Variants in IL1RAP observed in about 807,000 individuals in gnomAD.
IL1RAP encodes interleukin-1 receptor accessory protein.
A neutral mutation model predicts 60.7 loss-of-function variants in IL1RAP; 35 were observed. That is an observed-to-expected ratio of 0.58 (90% CI 0.44 to 0.76). The LOEUF (loss-of-function observed/expected upper bound fraction) is 0.76. IL1RAP is among the 30% of genes least tolerant of loss of function. The pLI is 0.00. For synonymous variants in IL1RAP, 268 were observed against 250.9 expected (o/e 1.07, Z -0.64); for missense variants, 572 against 693.9 (o/e 0.82, Z 1.97).
chr3:190,613,809 G>T (rs1731030882), intron 5 of IL1RAP, among the ~76,000 whole-genome samples: 1 of 151,604 alleles, frequency 6.6e-6, no homozygotes, highest in South Asian at 2.1e-4. Context: ...CTCCAGCCTG[G>T]GCAATGGAGG....
Position 190,537,665 on chromosome 3 carries a change from G to A in IL1RAP, c.-88-18465G>A, listed in dbSNP as rs571027387. ...ATTGAAGACTAATAATGAGCATTTA[G>A]TAATACATATCAAAATGTAGAATAT... is the stretch of plus-strand genomic sequence containing the variant. On this transcript the variant is annotated intron_variant, in intron 1 of 11. Transcript: ENST00000447382. Among the ~76,000 whole-genome samples the A allele has an allele frequency of 2.6e-3, 397 of 152,250 alleles. 1 individual carries two copies. The highest frequency in any genetic ancestry group is 4.3e-3 in the Non-Finnish European group (290 of 68,012).
At chr3:190,635,935 T>C (rs948961876) in intron 9 of IL1RAP, among the ~76,000 whole-genome samples, 5 of 152,198 alleles carry the variant, frequency 3.3e-5, no homozygotes, top group Non-Finnish European at 7.3e-5. Flanking sequence ...CAAGCCTTCC[T>C]TTTCTTATCC....
intron 1 of IL1RAP, among the ~76,000 whole-genome samples, chr3:190,541,701 C>T (rs1167455600): frequency 6.6e-6 from 1 of 152,078 alleles, no homozygotes; most frequent in African/African-American, 2.4e-5. Context: ...CATTGTGCAA[C>T]TATTGCCACC....
intron 3 of IL1RAP, among the ~76,000 whole-genome samples, chr3:190,598,568 G>T (rs1223880971): frequency 6.6e-6 from 1 of 151,466 alleles, no homozygotes; most frequent in Non-Finnish European, 1.5e-5. Context: ...ATTATGCACA[G>T]ATTTTTAAGG....
intron 1 of IL1RAP, among the ~76,000 whole-genome samples, chr3:190,534,470 A>T (rs1390723960): frequency 6.6e-6 from 1 of 152,192 alleles, no homozygotes; most frequent in East Asian, 1.9e-4. Context: ...CTCCTTAGAG[A>T]TCCGATCCAG....
intron 3 of IL1RAP, among the ~76,000 whole-genome samples, chr3:190,575,456 TGG>T (rs1727356434): frequency 6.6e-6 from 1 of 152,218 alleles, no homozygotes; most frequent in Non-Finnish European, 1.5e-5. Flanking sequence ...ATTATATTGA[TGG>T]AAAGTAATGG....
chr3:190,584,821 C>T (rs1475345055), intron 3 of IL1RAP, among the ~76,000 whole-genome samples: 6 of 152,112 alleles, frequency 3.9e-5, no homozygotes, highest in African/African-American at 1.2e-4. Context: ...AAAAATCTTG[C>T]TCCCAGGCCC....
downstream of IL1RAP, among the ~76,000 whole-genome samples, chr3:190,653,452 A>T (rs2108873091): frequency 6.6e-6 from 1 of 152,328 alleles, no homozygotes; most frequent in South Asian, 2.1e-4. Flanking sequence ...TTGAAACCAC[A>T]TTCGTCTTCC....
chr3:190,646,373 A>G (rs1439124603), intron 11 of IL1RAP, among the ~76,000 whole-genome samples: 1 of 151,308 alleles, frequency 6.6e-6, no homozygotes, highest in African/African-American at 2.4e-5. Flanking sequence ...TTTCCCCCTC[A>G]CTTTTCTTTT....
chr3:190,560,574 G>C (rs1009226882), intron 2 of IL1RAP, among the ~76,000 whole-genome samples: 1 of 152,204 alleles, frequency 6.6e-6, no homozygotes, highest in Non-Finnish European at 1.5e-5. Flanking sequence ...TCAGGAAACT[G>C]AGGGACAAAT....
chr3:190,581,365 C>G (rs1727982468), intron 3 of IL1RAP, among the ~76,000 whole-genome samples: 2 of 152,198 alleles, frequency 1.3e-5, no homozygotes, highest in Non-Finnish European at 2.9e-5. Flanking sequence ...AAAAGCAAAT[C>G]AGGAAGCAGA....
chr3:190,600,163 T>A (rs529154706), intron 3 of IL1RAP, among the ~76,000 whole-genome samples: 1 of 152,202 alleles, frequency 6.6e-6, no homozygotes. Context: ...CTCGTTAAAC[T>A]TGAGCTTTTC....
intron 3 of IL1RAP, among the ~76,000 whole-genome samples, chr3:190,603,107 G>T (rs191739978): frequency 6.6e-6 from 1 of 152,208 alleles, no homozygotes; most frequent in East Asian, 1.9e-4. Flanking sequence ...TACGCACAAG[G>T]ACAGTGCAGA....
intron 2 of IL1RAP, among the ~76,000 whole-genome samples, chr3:190,562,639 A>G (rs1199007618): frequency 6.6e-6 from 1 of 150,850 alleles, no homozygotes; most frequent in East Asian, 1.9e-4. Context: ...CGGATATTCC[A>G]TTTTCCATGA....
At chr3:190,544,801 T>C (rs1724232891) in intron 1 of IL1RAP, among the ~76,000 whole-genome samples, 1 of 152,240 alleles carries the variant, frequency 6.6e-6, no homozygotes. Flanking sequence ...TGAAAGGCCC[T>C]GAAAGAAGTC....
intron 3 of IL1RAP, among the ~76,000 whole-genome samples, chr3:190,594,658 C>T (rs1304313680): frequency 6.6e-6 from 1 of 152,142 alleles, no homozygotes; most frequent in East Asian, 1.9e-4. Context: ...TGGCTATGTG[C>T]CTAACTGAAA....
chr3:190,543,144 G>A (rs1361849271), intron 1 of IL1RAP, among the ~76,000 whole-genome samples: 1 of 152,070 alleles, frequency 6.6e-6, no homozygotes, highest in Non-Finnish European at 1.5e-5. Flanking sequence ...ACTGACAAAG[G>A]CAGATGACAA....
chr3:190,629,388 A>C lies in IL1RAP; in HGVS notation c.941A>C (p.Gln314Pro), dbSNP rs148674484. The C allele has an allele frequency of 1.2e-6, 2 of 1,613,100 alleles. No individual in the cohort carries two copies. Among genetic ancestry groups the C allele is most frequent in the South Asian group, 2.2e-5 (2 of 90,942 alleles). Residue 314 changes from glutamine to proline, a missense_variant, in exon 9 of 12, where the codon CAG becomes CCG. Physicochemically the swap from Gln to Pro is moderately conservative, Grantham distance 76 (BLOSUM62 -1). Coordinates refer to ENST00000447382, the MANE Select transcript of IL1RAP (RefSeq NM_002182.4). ...HSRTEDETRT[Q>P]ILSIKKVTSE... ...AGAACAGAAGATGAAACAAGAACTCAGATTTTGAGCATCAAGAAAGTTACC... is the reference window on the plus strand; with the variant it reads ...AGAACAGAAGATGAAACAAGAACTCCGATTTTGAGCATCAAGAAAGTTACC...
chr3:190,602,792 G>A (rs879433477), intron 3 of IL1RAP, among the ~76,000 whole-genome samples: 4 of 152,188 alleles, frequency 2.6e-5, no homozygotes, highest in South Asian at 2.1e-4. Context: ...CAATGGAAAC[G>A]TAGGGAAGAT....
Sources: gnomAD v4.1 joint callset for allele counts (sites outside exome capture counted in the v4.1 genomes callset) on GRCh38, gnomAD v4.1.1 for gene constraint, MANE v1.5 for transcripts, NCBI Gene and HGNC (gene_info 2026-07-23, HGNC 2026-07-21) for gene names.